GNAL: variants seen among roughly 807,000 people sequenced by gnomAD.
The protein encoded by GNAL is guanine nucleotide-binding protein G(olf) subunit alpha.
GNAL carries 18 observed loss-of-function variants against 55.1 expected under a neutral mutation model. The observed-to-expected ratio is 0.33, with a 90% confidence interval of 0.23 to 0.48. The LOEUF (loss-of-function observed/expected upper bound fraction) is 0.48, where lower values mean the gene tolerates loss of function less well. Ranked by LOEUF, GNAL falls within the 20% of genes least tolerant of loss-of-function variation. GNAL has a pLI of 0.99. For missense variants in GNAL, 412 were observed against 614.1 expected (o/e 0.67, Z 3.48); for synonymous variants, 253 against 237.0 (o/e 1.07, Z -0.62).
In GNAL at chr18:11,689,362, A is replaced by C; in HGVS notation, c.-202A>C. On this transcript the variant is annotated 5_prime_UTR_variant, in exon 1 of 12. Coordinates refer to ENST00000334049, the MANE Select transcript of GNAL (RefSeq NM_182978.4). ...AAAATGCAAAATGACCCTCTGGGGC[A>C]GTGAGGGGCTGTGGCCCTCGGCCCC... is the stretch of plus-strand genomic sequence containing the variant. 1 of 347,886 alleles carries C rather than the reference A, an allele frequency of 2.9e-6. No homozygotes were observed. The highest frequency in any genetic ancestry group is 4.3e-5 in the East Asian group (1 of 23,016). 21.5% of individuals were successfully genotyped at this position (347,886 alleles called of 1,614,324 possible).
intron 5 of GNAL, among the ~76,000 whole-genome samples, chr18:11,843,601 T>C (rs2035666549): frequency 6.6e-6 from 1 of 152,132 alleles, no homozygotes; most frequent in South Asian, 2.1e-4. Flanking sequence ...TTATTTCTAG[T>C]AGGACTCACC....
intron 5 of GNAL, among the ~76,000 whole-genome samples, chr18:11,831,873 G>A (rs2068441): frequency 0.018 from 2,690 of 152,320 alleles, 79 homozygotes; most frequent in African/African-American, 0.062. Flanking sequence ...CCAGCCAGGT[G>A]GCACTGAGCA....
At chr18:11,852,402 CTG>C (rs956370683) in intron 5 of GNAL, 62 of 367,026 alleles carry the variant, frequency 1.7e-4, no homozygotes, top group African/African-American at 8.7e-4. Context: ...CTGGTCAAAA[CTG>C]TATTCAGTTT....
At chr18:11,711,551 G>A (rs550607323) in intron 1 of GNAL, among the ~76,000 whole-genome samples, 11 of 152,000 alleles carry the variant, frequency 7.2e-5, no homozygotes, top group Non-Finnish European at 1.2e-4. Flanking sequence ...TACAATTTGT[G>A]TTTTGTTCTC....
At chr18:11,800,608 A>C (rs967180098) in intron 4 of GNAL, among the ~76,000 whole-genome samples, 2 of 152,222 alleles carry the variant, frequency 1.3e-5, no homozygotes, top group East Asian at 3.9e-4. Context: ...CCCTGAGGCC[A>C]TGGCCCAGGT....
intron 1 of GNAL, among the ~76,000 whole-genome samples, chr18:11,705,841 C>T (rs773893514): frequency 4.7e-5 from 7 of 149,374 alleles, no homozygotes; most frequent in Non-Finnish European, 1.0e-4. Flanking sequence ...CTGCAACCTT[C>T]GCCTCCCAGG....
chr18:11,712,204 A>G (rs2031855013), intron 1 of GNAL, among the ~76,000 whole-genome samples: 1 of 152,164 alleles, frequency 6.6e-6, no homozygotes, highest in African/African-American at 2.4e-5. Flanking sequence ...ACGCTGGGTG[A>G]AGCAAGATAT....
intron 4 of GNAL, among the ~76,000 whole-genome samples, chr18:11,788,223 T>C (rs1568027119): frequency 6.6e-6 from 1 of 152,212 alleles, no homozygotes; most frequent in Non-Finnish European, 1.5e-5. Flanking sequence ...CTCAGAGATT[T>C]TGATTCAGGA....
At chr18:11,736,713 G>A (rs2032470724) in intron 1 of GNAL, among the ~76,000 whole-genome samples, 1 of 152,214 alleles carries the variant, frequency 6.6e-6, no homozygotes, top group South Asian at 2.1e-4. Context: ...AGAGAAACAG[G>A]ACAGCTAAAT....
chr18:11,776,570 T>A (rs1053809970), intron 4 of GNAL, among the ~76,000 whole-genome samples: 25 of 152,036 alleles, frequency 1.6e-4, no homozygotes, highest in Non-Finnish European at 3.7e-4. Flanking sequence ...TAACTACCCA[T>A]GCTGGTGCAC....
At chr18:11,822,303 A>T (rs2035118901) in intron 4 of GNAL, among the ~76,000 whole-genome samples, 1 of 152,152 alleles carries the variant, frequency 6.6e-6, no homozygotes, top group Non-Finnish European at 1.5e-5. Flanking sequence ...TCTCAAAACA[A>T]ACAAACGAAC....
chr18:11,715,600 G>T (rs1341630546), intron 1 of GNAL, among the ~76,000 whole-genome samples: 1 of 152,130 alleles, frequency 6.6e-6, no homozygotes, highest in Non-Finnish European at 1.5e-5. Flanking sequence ...CAAAAGAGGG[G>T]ACCAGGTCAT....
chr18:11,717,253 T>C (rs1435964501), intron 1 of GNAL, among the ~76,000 whole-genome samples: 4 of 152,170 alleles, frequency 2.6e-5, no homozygotes, highest in African/African-American at 7.2e-5. Flanking sequence ...ACACTGGCCC[T>C]GTTCCCCCGG....
intron 11 of GNAL, among the ~76,000 whole-genome samples, chr18:11,880,697 G>C (rs927180673): frequency 6.6e-6 from 1 of 152,212 alleles, no homozygotes; most frequent in African/African-American, 2.4e-5. Context: ...CATTGTCACA[G>C]AAAACTCTGT....
rs547895751 is a variant in GNAL, at chr18:11,714,931, CA to C, written c.376+24993del. On this transcript the variant is annotated intron_variant, in intron 1 of 11. Coordinates refer to ENST00000334049, the MANE Select transcript of GNAL (RefSeq NM_182978.4). ...CCAAAGCAGGTGGATCACTTGAACT[CA>C]GAGTTCAAGGCCAGCCTGGGCAACA... Among the ~76,000 whole-genome samples, 257 of 151,956 alleles carry C rather than the reference CA, an allele frequency of 1.7e-3. 2 individuals are homozygous for C. Among genetic ancestry groups the C allele is most frequent in the Non-Finnish European group, 3.2e-3 (218 of 67,936 alleles).
At chr18:11,820,542 T>C (rs1314474316) in intron 4 of GNAL, among the ~76,000 whole-genome samples, 1 of 152,196 alleles carries the variant, frequency 6.6e-6, no homozygotes, top group African/African-American at 2.4e-5. Context: ...TTCAAAATAA[T>C]AAAAGCAGTG....
intron 4 of GNAL, among the ~76,000 whole-genome samples, chr18:11,761,322 G>A (rs539687419): frequency 3.9e-5 from 6 of 152,286 alleles, no homozygotes; most frequent in Admixed American, 3.3e-4. Context: ...AAGGAAGTGA[G>A]GCCCCTGACT....
At chr18:11,735,754 CAAA>C (rs1185594144) in intron 1 of GNAL, among the ~76,000 whole-genome samples, 5 of 83,766 alleles carry the variant, frequency 6.0e-5, no homozygotes, top group Admixed American at 3.1e-4. Flanking sequence ...GAACCTGTCT[CAAA>C]AAAAAAAAAA....
chr18:11,756,151 T>G (rs9949469), intron 4 of GNAL, among the ~76,000 whole-genome samples: 11 of 152,310 alleles, frequency 7.2e-5, no homozygotes, highest in African/African-American at 2.6e-4. Context: ...CATCCCATAT[T>G]CAACCCCAAA....
Sources: gnomAD v4.1 joint callset for allele counts (sites outside exome capture counted in the v4.1 genomes callset) on GRCh38, gnomAD v4.1.1 for gene constraint, MANE v1.5 for transcripts, NCBI Gene and HGNC (gene_info 2026-07-23, HGNC 2026-07-21) for gene names.